STPG2: variants seen among roughly 807,000 people sequenced by gnomAD.
STPG2 encodes sperm-tail PG-rich repeat-containing protein 2.
A neutral mutation model predicts 54.2 loss-of-function variants in STPG2; 56 were observed. The ratio of observed to expected loss-of-function variants is 1.03; its 90% CI spans 0.83 to 1.29. The LOEUF is 1.29. STPG2 is among the 50% of genes most tolerant of loss of function. STPG2 has a pLI of 0.00. For missense variants in STPG2, 596 were observed against 544.9 expected, an observed-to-expected ratio of 1.09 and a Z score of -0.93; for synonymous variants, 200 against 181.8, an observed-to-expected ratio of 1.10 and a Z score of -0.81.
At chr4:97,891,538 G>GT (rs1263043192) in intron 8 of STPG2, among the ~76,000 whole-genome samples, 1 of 151,932 alleles carries the variant, frequency 6.6e-6, no homozygotes, top group Non-Finnish European at 1.5e-5. Context: ...TAAATAAATA[G>GT]TATGTTGTTA....
intron 5 of STPG2, among the ~76,000 whole-genome samples, chr4:98,073,761 T>G (rs1444912993): frequency 6.6e-6 from 1 of 151,922 alleles, no homozygotes; most frequent in Non-Finnish European, 1.5e-5. Flanking sequence ...ATAATAAAAT[T>G]AAGGATAAAA....
intron 6 of STPG2, among the ~76,000 whole-genome samples, chr4:97,976,695 TGAAAA>T (rs1262267212): frequency 2.0e-5 from 3 of 152,168 alleles, no homozygotes; most frequent in Non-Finnish European, 2.9e-5. Context: ...AATAATTACA[TGAAAA>T]GAAATCAAAT....
At chr4:97,864,257 A>G (rs1428848452) in intron 8 of STPG2, among the ~76,000 whole-genome samples, 2 of 152,248 alleles carry the variant, frequency 1.3e-5, no homozygotes, top group South Asian at 2.1e-4. Context: ...AAGTCTCAGG[A>G]TACAAAATCA....
chr4:97,939,962 A>C (rs910762036), intron 8 of STPG2, among the ~76,000 whole-genome samples: 3 of 152,030 alleles, frequency 2.0e-5, no homozygotes, highest in African/African-American at 7.2e-5. Context: ...CTATACATGG[A>C]GCTTCTTTCA....
intron 9 of STPG2, among the ~76,000 whole-genome samples, chr4:97,795,863 T>G (rs1727156372): frequency 6.6e-6 from 1 of 152,192 alleles, no homozygotes; most frequent in South Asian, 2.1e-4. Flanking sequence ...CAGCACCTGT[T>G]GTTTCCTGAC....
intron 8 of STPG2, among the ~76,000 whole-genome samples, chr4:97,859,832 A>G (rs141582209): frequency 6.6e-6 from 1 of 152,282 alleles, no homozygotes; most frequent in Non-Finnish European, 1.5e-5. Context: ...CTTTGATGTT[A>G]TCTTCTAGAA....
intron 10 of STPG2, among the ~76,000 whole-genome samples, chr4:97,562,687 C>A (rs1040042332): frequency 1.4e-4 from 21 of 152,276 alleles, no homozygotes; most frequent in Admixed American, 3.3e-4. Flanking sequence ...TTTTCTGCAT[C>A]TATTGAGATA....
intron 9 of STPG2, among the ~76,000 whole-genome samples, chr4:97,720,916 T>C (rs1724428930): frequency 6.6e-6 from 1 of 151,866 alleles, no homozygotes; most frequent in Non-Finnish European, 1.5e-5. Flanking sequence ...CTACATCCTA[T>C]CTTTGGGTGA....
chr4:97,923,870 T>C (rs954857665), intron 8 of STPG2, among the ~76,000 whole-genome samples: 25 of 152,128 alleles, frequency 1.6e-4, no homozygotes, highest in Non-Finnish European at 2.9e-4. Flanking sequence ...CCTGTCAAAA[T>C]GGACCAATCA....
At chr4:97,732,534 C>G (rs1293166290) in intron 9 of STPG2, among the ~76,000 whole-genome samples, 1 of 151,566 alleles carries the variant, frequency 6.6e-6, no homozygotes, top group African/African-American at 2.4e-5. Context: ...AGGATAAGAC[C>G]CCAAAAACAA....
intron 4 of STPG2, among the ~76,000 whole-genome samples, chr4:97,514,690 A>G (rs891425051): frequency 3.3e-5 from 5 of 152,238 alleles, no homozygotes; most frequent in Non-Finnish European, 1.5e-5. Flanking sequence ...TGTTTAAATA[A>G]AAGTTAAAAA....
chr4:97,683,883 T>G (rs904770015), intron 10 of STPG2, among the ~76,000 whole-genome samples: 12 of 151,842 alleles, frequency 7.9e-5, no homozygotes, highest in African/African-American at 2.9e-4. Context: ...AACAAAATCT[T>G]TCTGGAACTA....
intron 8 of STPG2, among the ~76,000 whole-genome samples, chr4:97,844,903 C>A (rs1296399138): frequency 6.6e-6 from 1 of 151,956 alleles, no homozygotes; most frequent in South Asian, 2.1e-4. Flanking sequence ...TTCTATTGAT[C>A]TATCTTTCAG....
chr4:97,983,245 A>AT (rs1560622282), intron 5 of STPG2, among the ~76,000 whole-genome samples: 1 of 152,184 alleles, frequency 6.6e-6, no homozygotes, highest in African/African-American at 2.4e-5. Flanking sequence ...TGATTTTTTA[A>AT]TAACATTTCC....
At chr4:97,769,756 T>A (rs962267199) in intron 9 of STPG2, among the ~76,000 whole-genome samples, 1 of 152,074 alleles carries the variant, frequency 6.6e-6, no homozygotes, top group African/African-American at 2.4e-5. Flanking sequence ...CACAGATATG[T>A]CAAATTTATG....
At position 98,081,592 on chromosome 4, in the gene STPG2, T is replaced by C. The variant is rs545047321; in HGVS notation, c.612+24361A>G. 2.6e-5 allele frequency among the ~76,000 whole-genome samples: 4 copies of C among 152,360 alleles called. No homozygotes were observed. The South Asian group carries it at 6.2e-4, about 24-fold the overall frequency. On this transcript the variant is annotated intron_variant, in intron 5 of 10. Transcript: ENST00000295268. ...CTTTACATGAACTATTATTCTGACA[T>C]GGCATCAGATTTTATTGAAAGTTAA... is the stretch of plus-strand genomic sequence containing the variant.
rs577874253 is a variant in STPG2, at chr4:97,912,071, C to A, written c.1044+31826G>T. 1.2e-4 allele frequency among the ~76,000 whole-genome samples: 19 copies of A among 152,116 alleles called. No homozygotes were observed. The East Asian group carries it at 1.4e-3, about 11-fold the overall frequency. On this transcript the variant is annotated intron_variant, in intron 8 of 10. Transcript: ENST00000295268. ...CCAGGCGATTAGGGTCCGGAGTGGA[C>A]CCCCCAAAACACGCGGCAGCCCTGC...
rs996742916 is a variant in STPG2, at chr4:98,001,003, T to C, written c.613-19685A>G. On this transcript the variant is annotated intron_variant, in intron 5 of 10. Transcript: ENST00000295268. Reference sequence around the variant, plus strand: ...AGTATTGCTTTGGAGTTGATGGTTGTCTTATGCAGTTTTAACCAAACATGA... The same window carrying C: ...AGTATTGCTTTGGAGTTGATGGTTGCCTTATGCAGTTTTAACCAAACATGA... Among the ~76,000 whole-genome samples, 8 of 152,310 alleles carry C rather than the reference T, an allele frequency of 5.3e-5. No individual in the cohort carries two copies. The Middle Eastern group carries it at 0.014, about 259-fold the overall frequency.
intron 9 of STPG2, among the ~76,000 whole-genome samples, chr4:97,819,585 T>C (rs1474332259): frequency 2.0e-5 from 3 of 152,168 alleles, no homozygotes; most frequent in Non-Finnish European, 4.4e-5. Flanking sequence ...TTATATGCTA[T>C]GCATTGCTGA....
Sources: gnomAD v4.1 joint callset for allele counts (sites outside exome capture counted in the v4.1 genomes callset) on GRCh38, gnomAD v4.1.1 for gene constraint, MANE v1.5 for transcripts, NCBI Gene and HGNC (gene_info 2026-07-23, HGNC 2026-07-21) for gene names.